SLIT1: variants seen among roughly 807,000 people sequenced by gnomAD.
The protein encoded by SLIT1 is slit guidance ligand 1.
A neutral mutation model predicts 186.1 loss-of-function variants in SLIT1; 66 were observed. That is an observed-to-expected ratio of 0.35 (90% confidence interval 0.29 to 0.44). The LOEUF (loss-of-function observed/expected upper bound fraction) is 0.44, where lower values mean the gene tolerates loss of function less well. Among genes scored for constraint, SLIT1 ranks in the 20% least tolerant of loss-of-function variants. SLIT1 has a pLI of 1.00. For synonymous variants in SLIT1, 761 were observed against 833.8 expected (o/e 0.91, Z 1.50); for missense variants, 1,638 against 2,037.4 (o/e 0.80, Z 3.77).
chr10:97,125,841 C>CA (rs949107735), intron 4 of SLIT1, among the ~76,000 whole-genome samples: 5 of 149,464 alleles, frequency 3.3e-5, no homozygotes. Flanking sequence ...TGTCTCAAAA[C>CA]AAAAACAAAA....
At chr10:97,108,040 G>A (rs1028641108) in intron 4 of SLIT1, among the ~76,000 whole-genome samples, 4 of 152,168 alleles carry the variant, frequency 2.6e-5, no homozygotes, top group Non-Finnish European at 5.9e-5. Context: ...TCCCTGCCCC[G>A]GGGTGTCTGC....
intron 4 of SLIT1, among the ~76,000 whole-genome samples, chr10:97,079,065 A>C (rs187722995): frequency 4.1e-4 from 62 of 152,344 alleles, no homozygotes; most frequent in African/African-American, 1.3e-3. Flanking sequence ...GCTTGACTCC[A>C]AGCCCTACCA....
chr10:97,156,153 G>A (rs1258195587), intron 4 of SLIT1, among the ~76,000 whole-genome samples: 1 of 152,228 alleles, frequency 6.6e-6, no homozygotes, highest in Non-Finnish European at 1.5e-5. Flanking sequence ...CCCAAGGGTG[G>A]TGGCAAAGAC....
chr10:97,128,868 C>A (rs1849627696), intron 4 of SLIT1, among the ~76,000 whole-genome samples: 1 of 152,142 alleles, frequency 6.6e-6, no homozygotes, highest in Non-Finnish European at 1.5e-5. Flanking sequence ...GGCCGCAGAA[C>A]AAGCAATAAG....
intron 8 of SLIT1, among the ~76,000 whole-genome samples, chr10:97,062,938 G>A (rs1054210294): frequency 6.6e-6 from 1 of 152,218 alleles, no homozygotes; most frequent in Non-Finnish European, 1.5e-5. Flanking sequence ...GAAAGGGTGT[G>A]GGCTTTGAGG....
rs1470861989 is a variant in SLIT1 at position 97,082,609 on chromosome 10, T to C, written c.414-16523A>G. ...GCCACCATGCCCAGCTAATTCTTTG[T>C]ATTTTTAGTAGGGATGAGGTTTCAC... On this transcript the variant is annotated intron_variant, in intron 4 of 36. Coordinates refer to ENST00000266058, the MANE Select transcript of SLIT1 (RefSeq NM_003061.3). Among the ~76,000 whole-genome samples the C allele has an allele frequency of 5.3e-5, 8 of 152,194 alleles. 1 individual carries two copies. The highest frequency in any genetic ancestry group is 6.5e-5 in the Admixed American group (1 of 15,284).
intron 4 of SLIT1, among the ~76,000 whole-genome samples, chr10:97,114,113 C>A (rs901907839): frequency 2.0e-5 from 3 of 152,192 alleles, no homozygotes; most frequent in African/African-American, 4.8e-5. Flanking sequence ...CACCCACCTG[C>A]CCAGCTTCTG....
chr10:97,014,319 T>C (rs1848436334), intron 28 of SLIT1, among the ~76,000 whole-genome samples, 161 bp from the exon 29 acceptor site: 1 of 152,152 alleles, frequency 6.6e-6, no homozygotes, highest in African/African-American at 2.4e-5. Flanking sequence ...AGACTGACCA[T>C]GCCCTCATGG....
chr10:97,050,608 C>A (rs1223841106), intron 13 of SLIT1, among the ~76,000 whole-genome samples: 1 of 152,188 alleles, frequency 6.6e-6, no homozygotes, highest in East Asian at 1.9e-4. Flanking sequence ...ATCCTGGGGG[C>A]AGAGTTTGTA....
At chr10:97,179,408 C>T (rs1589424444) in intron 1 of SLIT1, among the ~76,000 whole-genome samples, 1 of 152,152 alleles carries the variant, frequency 6.6e-6, no homozygotes, top group Non-Finnish European at 1.5e-5. Flanking sequence ...GCCTGGGGAA[C>T]ATAGTGAGAT....
intron 3 of SLIT1, 84 bp downstream of exon 3, chr10:97,163,296 C>T: frequency 8.2e-7 from 1 of 1,222,002 alleles, no homozygotes; most frequent in Non-Finnish European, 1.2e-6. Flanking sequence ...ATGAGTGCCC[C>T]TCATCCCTGG....
chr10:97,130,273 G>A (rs1192762253), intron 4 of SLIT1, among the ~76,000 whole-genome samples: 1 of 152,242 alleles, frequency 6.6e-6, no homozygotes, highest in East Asian at 1.9e-4. Flanking sequence ...ACATACCGAA[G>A]AGGAATGTAC....
At chr10:97,018,329 C>G (rs900206064) in intron 28 of SLIT1, among the ~76,000 whole-genome samples, 3 of 152,268 alleles carry the variant, frequency 2.0e-5, no homozygotes, top group African/African-American at 7.2e-5. Context: ...AACCCTGGAG[C>G]TGGGGAGCTG....
At chr10:97,091,724 G>A (rs985168895) in intron 4 of SLIT1, among the ~76,000 whole-genome samples, 2 of 152,178 alleles carry the variant, frequency 1.3e-5, no homozygotes, top group Non-Finnish European at 2.9e-5. Flanking sequence ...TGAGAACACC[G>A]AGGCTGAGAG....
chr10:97,121,888 G>A (rs540284518), intron 4 of SLIT1, among the ~76,000 whole-genome samples: 15 of 152,258 alleles, frequency 9.9e-5, no homozygotes, highest in Middle Eastern at 3.4e-3. Context: ...TATTGAGCAC[G>A]CGCTACCTGA....
At chr10:97,057,804 A>T (rs987838546) in intron 11 of SLIT1, 2 of 548,040 alleles carry the variant, frequency 3.6e-6, no homozygotes, top group African/African-American at 1.9e-5. Context: ...CATGAATTCC[A>T]TGTATAGGTT....
rs1245112615 is a variant in SLIT1, at chr10:97,002,308, C to T, written c.4216G>A (p.Gly1406Arg). 12 of 1,611,698 alleles carry T rather than the reference C, an allele frequency of 7.4e-6. No homozygotes were observed. Among genetic ancestry groups the T allele is most frequent in the African/African-American group, 1.3e-5 (1 of 75,026 alleles). Residue 1406 changes from glycine (G) to arginine (R), a missense_variant, in exon 36 of 37, where the codon GGG becomes AGG. By Grantham distance (125) the Gly-to-Arg change is moderately radical (BLOSUM62 -2). Coordinates refer to ENST00000266058, the MANE Select transcript of SLIT1 (RefSeq NM_003061.3). ...TGGTTGCACAGTGCCCCCGAGTACC[C>T]ATCCTGGCACTGGCAGCTGTAGGAA... ...ALSYSCQCQD[G>R]YSGALCNQAG...
At chr10:97,125,533 CAAAAAAAAAA>C (rs34143370) in intron 4 of SLIT1, among the ~76,000 whole-genome samples, 3 of 115,552 alleles carry the variant, frequency 2.6e-5, no homozygotes, top group East Asian at 5.0e-4. Flanking sequence ...GACCCTGTGT[CAAAAAAAAAA>C]AAAAAAAAAA....
intron 1 of SLIT1, among the ~76,000 whole-genome samples, chr10:97,175,928 G>A (rs1361616578): frequency 6.6e-6 from 1 of 152,328 alleles, no homozygotes; most frequent in African/African-American, 2.4e-5. Context: ...CAGCAAACAT[G>A]TGCAGGCAGG....
Sources: gnomAD v4.1 joint callset for allele counts (sites outside exome capture counted in the v4.1 genomes callset) on GRCh38, gnomAD v4.1.1 for gene constraint, MANE v1.5 for transcripts, NCBI Gene and HGNC (gene_info 2026-07-23, HGNC 2026-07-21) for gene names.